The following LRP1B variants were observed in gnomAD, a reference collection of about 807,000 sequenced individuals.
LRP1B encodes the protein LDL receptor related protein 1B, also known as low-density lipoprotein receptor-related protein 1B.
A neutral mutation model predicts 556.6 loss-of-function variants in LRP1B; 217 were observed. That is an observed-to-expected ratio of 0.39 (90% CI 0.35 to 0.44). LRP1B has a LOEUF of 0.44. LRP1B is among the 20% of genes least tolerant of loss of function. The pLI, the probability that LRP1B is intolerant of heterozygous loss-of-function variation, is 1.00. For synonymous variants in LRP1B, 2,047 were observed against 1,865.8 expected, an observed-to-expected ratio of 1.10 and a Z score of -2.50; for missense variants, 5,053 against 5,620.8, an observed-to-expected ratio of 0.90 and a Z score of 3.23.
intron 1 of LRP1B, among the ~76,000 whole-genome samples, chr2:142,096,424 A>G (rs1375518696): frequency 6.7e-6 from 1 of 148,298 alleles, no homozygotes; most frequent in East Asian, 2.0e-4. Context: ...TCACATGACC[A>G]CGAAAATAAA....
chr2:141,094,205 C>T (rs1700239979), intron 7 of LRP1B, among the ~76,000 whole-genome samples: 1 of 152,036 alleles, frequency 6.6e-6, no homozygotes, highest in Non-Finnish European at 1.5e-5. Flanking sequence ...CAGGAGACTT[C>T]TAAGTACTAA....
chr2:140,843,064 TTTG>T (rs1559151506), intron 29 of LRP1B, among the ~76,000 whole-genome samples: 1 of 16,558 alleles, frequency 6.0e-5, no homozygotes, highest in Non-Finnish European at 1.6e-4. Context: ...TGGTTTTTTT[TTTG>T]TTTTTTTTTT....
At chr2:141,935,772 G>A (rs796074549) in intron 1 of LRP1B, among the ~76,000 whole-genome samples, 2 of 152,128 alleles carry the variant, frequency 1.3e-5, no homozygotes, top group Non-Finnish European at 2.9e-5. Context: ...GATACTTATT[G>A]CAAGTGTTTT....
chr2:141,095,740 T>C (rs1045231428), intron 7 of LRP1B, among the ~76,000 whole-genome samples: 2 of 152,094 alleles, frequency 1.3e-5, no homozygotes, highest in Non-Finnish European at 2.9e-5. Context: ...TCAACATGAA[T>C]GTGATTTGCC....
intron 36 of LRP1B, 110 bp downstream of exon 36, chr2:140,716,572 G>A (rs770404376): frequency 2.5e-5 from 27 of 1,092,616 alleles, no homozygotes; most frequent in Non-Finnish European, 3.5e-5. Context: ...CCTGTGGCTA[G>A]AAGTACAAAT....
At chr2:140,544,821 C>G (rs1447746608) in intron 43 of LRP1B, among the ~76,000 whole-genome samples, 1 of 152,072 alleles carries the variant, frequency 6.6e-6, no homozygotes. Flanking sequence ...GATTTATATT[C>G]CTTTGGGTAT....
chr2:141,515,228 G>A (rs1684268899), intron 2 of LRP1B, among the ~76,000 whole-genome samples: 2 of 151,908 alleles, frequency 1.3e-5, no homozygotes, highest in Non-Finnish European at 2.9e-5. Context: ...CTTGAACCTG[G>A]GAGGTGGAGG....
At chr2:140,803,856 A>T (rs1690611261) in intron 32 of LRP1B, among the ~76,000 whole-genome samples, 1 of 145,362 alleles carries the variant, frequency 6.9e-6, no homozygotes. Flanking sequence ...AAAGAAATAA[A>T]CCCCTCCCCC....
chr2:141,978,919 A>C (rs1161731534), intron 1 of LRP1B, among the ~76,000 whole-genome samples: 2 of 151,998 alleles, frequency 1.3e-5, no homozygotes, highest in East Asian at 3.9e-4. Context: ...GAAAAAAATG[A>C]AGAGAATAAG....
At chr2:141,432,032 T>G (rs1210645934) in intron 3 of LRP1B, among the ~76,000 whole-genome samples, 1 of 152,158 alleles carries the variant, frequency 6.6e-6, no homozygotes, top group African/African-American at 2.4e-5. Flanking sequence ...TATCCTTCTC[T>G]TGATCCTGAT....
At chr2:141,096,113 A>G (rs1558857556) in intron 7 of LRP1B, among the ~76,000 whole-genome samples, 5 of 152,142 alleles carry the variant, frequency 3.3e-5, no homozygotes, top group South Asian at 2.1e-4. Flanking sequence ...TTGGATCTTG[A>G]ACGCTAAATA....
rs1684519957 is a variant in LRP1B at position 141,521,284 on chromosome 2, C to T, written c.206-40751G>A. ...TTCAGAAATCTCAAATTATCAATAT[C>T]AGCAACAATCATGGAAACTTTTTAT... On this transcript the variant is annotated intron_variant, in intron 2 of 90. Transcript: ENST00000389484. Among the ~76,000 whole-genome samples the T allele has an allele frequency of 2.6e-5, 4 of 152,190 alleles. No individual in the cohort carries two copies. In the South Asian group the frequency reaches 8.3e-4, roughly 32 times the overall value.
intron 6 of LRP1B, among the ~76,000 whole-genome samples, chr2:141,205,287 T>C (rs1175673887): frequency 6.6e-6 from 1 of 152,182 alleles, no homozygotes; most frequent in East Asian, 1.9e-4. Context: ...TGATAACTTG[T>C]ATAATTCGAG....
chr2:141,654,969 T>A (rs532759791), intron 2 of LRP1B, among the ~76,000 whole-genome samples: 60 of 152,260 alleles, frequency 3.9e-4, no homozygotes, highest in African/African-American at 1.4e-3. Flanking sequence ...GAGGATTTTA[T>A]TACTCTGTAG....
chr2:141,867,316 T>C (rs962961218), intron 1 of LRP1B, among the ~76,000 whole-genome samples: 4 of 152,104 alleles, frequency 2.6e-5, no homozygotes, highest in African/African-American at 9.7e-5. Flanking sequence ...GGGTAACTTC[T>C]AGTTTCAAAA....
At chr2:141,699,937 T>G (rs1038004428) in intron 2 of LRP1B, among the ~76,000 whole-genome samples, 1 of 150,150 alleles carries the variant, frequency 6.7e-6, no homozygotes, top group African/African-American at 2.5e-5. Context: ...ATCTGCTGAT[T>G]TACTCTGTGT....
At chr2:141,236,715 T>G (rs942580575) in intron 5 of LRP1B, among the ~76,000 whole-genome samples, 1 of 152,120 alleles carries the variant, frequency 6.6e-6, no homozygotes, top group African/African-American at 2.4e-5. Flanking sequence ...TGCCTTCAAA[T>G]CTAGAGTAAA....
chr2:140,691,046 AT>A (rs1230477657), intron 41 of LRP1B, among the ~76,000 whole-genome samples: 1 of 152,176 alleles, frequency 6.6e-6, no homozygotes, highest in African/African-American at 2.4e-5. Flanking sequence ...CTAAAAGTTG[AT>A]TTTTTAGCCT....
At chr2:141,740,423 A>G (rs563602010) in intron 2 of LRP1B, among the ~76,000 whole-genome samples, 1 of 152,286 alleles carries the variant, frequency 6.6e-6, no homozygotes, top group Non-Finnish European at 1.5e-5. Flanking sequence ...TGTACTTAAT[A>G]ATATAATTGT....
Sources: gnomAD v4.1 joint callset for allele counts (sites outside exome capture counted in the v4.1 genomes callset) on GRCh38, gnomAD v4.1.1 for gene constraint, MANE v1.5 for transcripts, NCBI Gene and HGNC (gene_info 2026-07-23, HGNC 2026-07-21) for gene names.